The following ROBO2 variants were observed in gnomAD, a reference collection of about 807,000 sequenced individuals.
ROBO2 encodes the protein roundabout guidance receptor 2, also known as roundabout homolog 2.
In ROBO2, 53 loss-of-function variants were observed where a neutral mutation model predicts 160.8. The ratio of observed to expected loss-of-function variants is 0.33; its 90% CI spans 0.26 to 0.41. ROBO2 has a LOEUF of 0.41. Ranked by LOEUF, ROBO2 falls within the 10% of genes least tolerant of loss-of-function variation. The pLI, the probability that ROBO2 is intolerant of heterozygous loss-of-function variation, is 1.00. For missense variants in ROBO2, 1,577 were observed against 1,722.4 expected (o/e 0.92, Z 1.49); for synonymous variants, 664 against 611.7 (o/e 1.09, Z -1.26).
chr3:76,431,136 T>C (rs1177994894), intron 2 of ROBO2, among the ~76,000 whole-genome samples: 5 of 152,072 alleles, frequency 3.3e-5, no homozygotes, highest in Non-Finnish European at 7.4e-5. Context: ...AGCATAAAAG[T>C]TCATAAAAAG....
chr3:76,190,538 T>C (rs1305853928), intron 2 of ROBO2, among the ~76,000 whole-genome samples: 1 of 152,100 alleles, frequency 6.6e-6, no homozygotes, highest in Non-Finnish European at 1.5e-5. Context: ...TTTAAATTAT[T>C]TAAAATCAAT....
chr3:77,087,725 CAT>C (rs1559978681), intron 1 of ROBO2, among the ~76,000 whole-genome samples: 1 of 150,346 alleles, frequency 6.7e-6, no homozygotes. Flanking sequence ...TACATGTACA[CAT>C]ATATACATAT....
intron 2 of ROBO2, chr3:76,434,726 C>G: frequency 9.2e-7 from 1 of 1,086,240 alleles, no homozygotes; most frequent in Non-Finnish European, 1.4e-6. Context: ...CTCCCCCAGT[C>G]TCTACCAGTT....
Position 76,961,380 on chromosome 3 carries a change from G to C in ROBO2, c.110-136634G>C, listed in dbSNP as rs115729651. Among the ~76,000 whole-genome samples, 26 of 150,298 alleles carry C rather than the reference G, an allele frequency of 1.7e-4. 1 individual carries two copies. Among genetic ancestry groups the C allele is most frequent in the African/African-American group, 4.6e-4 (19 of 40,926 alleles). ...AAATTTTCATTTTTTTTTCAGAGAG[G>C]GTTCACAGAACTTTTTGTCACACCT... On this transcript the variant is annotated intron_variant, in intron 2 of 26. Transcript: ENST00000487694.
chr3:76,141,920 A>G (rs974045962), intron 2 of ROBO2, among the ~76,000 whole-genome samples: 4 of 152,010 alleles, frequency 2.6e-5, no homozygotes, highest in East Asian at 1.9e-4. Context: ...AACTGTAACT[A>G]TTCCATAGTA....
chr3:76,248,363 T>C (rs973147206), intron 2 of ROBO2, among the ~76,000 whole-genome samples: 5 of 151,546 alleles, frequency 3.3e-5, no homozygotes, highest in Non-Finnish European at 7.4e-5. Context: ...AAATTGGAAA[T>C]CATCATTCTC....
intron 2 of ROBO2, among the ~76,000 whole-genome samples, chr3:76,127,021 T>C (rs1008288864): frequency 1.3e-5 from 2 of 152,146 alleles, no homozygotes; most frequent in African/African-American, 4.8e-5. Flanking sequence ...GGGTAAGATA[T>C]AGGAGACTTT....
chr3:76,681,759 G>A (rs561441226), intron 2 of ROBO2, among the ~76,000 whole-genome samples: 2 of 151,946 alleles, frequency 1.3e-5, no homozygotes, highest in East Asian at 1.9e-4. Context: ...GTATTAGGCT[G>A]GTGCAAAATA....
intron 2 of ROBO2, among the ~76,000 whole-genome samples, chr3:76,231,057 C>T (rs1339560077): frequency 1.3e-5 from 2 of 152,128 alleles, no homozygotes; most frequent in Non-Finnish European, 2.9e-5. Flanking sequence ...ACACTCTCAA[C>T]CTCCTACTTT....
intron 2 of ROBO2, among the ~76,000 whole-genome samples, chr3:76,468,020 G>A (rs932317546): frequency 4.6e-5 from 7 of 152,086 alleles, no homozygotes; most frequent in African/African-American, 1.4e-4. Context: ...TTAGCAAGAA[G>A]AAATAATGAT....
intron 2 of ROBO2, among the ~76,000 whole-genome samples, chr3:76,805,155 G>A (rs2064576193): frequency 6.6e-6 from 1 of 152,036 alleles, no homozygotes; most frequent in Admixed American, 6.6e-5. Flanking sequence ...AGTTTCTGTG[G>A]ATAGAGTATT....
At chr3:76,082,267 G>T (rs1030624982) in intron 2 of ROBO2, among the ~76,000 whole-genome samples, 2 of 152,168 alleles carry the variant, frequency 1.3e-5, no homozygotes, top group African/African-American at 4.8e-5. Flanking sequence ...TGACATTTAA[G>T]ATGAGTCCTT....
chr3:76,214,034 G>A lies in ROBO2; in HGVS notation c.109+276432G>A, dbSNP rs150665992. 2.8e-3 allele frequency among the ~76,000 whole-genome samples: 423 copies of A among 152,232 alleles called. 4 individuals are homozygous for A. Among genetic ancestry groups the A allele is most frequent in the South Asian group, 0.016 (76 of 4,824 alleles). ...GAAGCACCCTCACAGATGCACCCAG[G>A]AATAATGTTTTGCCAGCTATCTGAG... On this transcript the variant is annotated intron_variant, in intron 2 of 26. Transcript: ENST00000487694.
At position 77,596,776 on chromosome 3, in the gene ROBO2, TTATTTGAGTTCTC is replaced by T. The variant is rs1039610740; in HGVS notation, c.2854+28_2854+40del. The T allele has an allele frequency of 3.1e-6, 5 of 1,602,890 alleles. No homozygotes were observed. The Admixed American group carries it at 8.6e-5, about 28-fold the overall frequency. On this transcript the variant is annotated intron_variant, in intron 19 of 25. Transcript: ENST00000461745. Reference sequence around the variant, plus strand: ...GTAAGTTGTGTTTTTTAAAATAGTGTTATTTGAGTTCTCTCTCTCTTTTTTTTTTTTTGACCTT... The same window carrying T: ...GTAAGTTGTGTTTTTTAAAATAGTGTTCTCTCTTTTTTTTTTTTTGACCTT...
intron 1 of ROBO2, among the ~76,000 whole-genome samples, chr3:77,092,643 A>C (rs1215956855): frequency 6.8e-6 from 1 of 147,070 alleles, no homozygotes; most frequent in African/African-American, 2.5e-5. Context: ...ATTTGTATAT[A>C]TTTTAACAAT....
rs374100879 is a variant in ROBO2, at chr3:76,344,795, C to T, written c.109+407193C>T. Among the ~76,000 whole-genome samples, 12 of 152,214 alleles carry T rather than the reference C, an allele frequency of 7.9e-5. No individual in the cohort carries two copies. In the East Asian group the frequency reaches 2.3e-3, roughly 29 times the overall value. ...GCTGAGAGAAAAACCAGAGTAAAGT[C>T]AAGAATTTGGGAAATATCTAGATGT... is the stretch of plus-strand genomic sequence containing the variant. On this transcript the variant is annotated intron_variant, in intron 2 of 26. Coordinates refer to the ROBO2 transcript ENST00000487694.
chr3:76,676,238 G>C (rs1314940312), intron 2 of ROBO2, among the ~76,000 whole-genome samples: 1 of 151,778 alleles, frequency 6.6e-6, no homozygotes, highest in African/African-American at 2.4e-5. Flanking sequence ...CGATTTCCCC[G>C]TGCTGTTCTC....
At chr3:76,818,018 T>C (rs2065834277) in intron 2 of ROBO2, among the ~76,000 whole-genome samples, 1 of 152,100 alleles carries the variant, frequency 6.6e-6, no homozygotes. Flanking sequence ...AGATACCCAG[T>C]AGTGGGATTG....
At chr3:76,964,904 C>A (rs746410809) in intron 2 of ROBO2, among the ~76,000 whole-genome samples, 1 of 152,216 alleles carries the variant, frequency 6.6e-6, no homozygotes, top group African/African-American at 2.4e-5. Context: ...TAGTTATTAG[C>A]TTGCCTCTTC....
Sources: gnomAD v4.1 joint callset for allele counts (sites outside exome capture counted in the v4.1 genomes callset) on GRCh38, gnomAD v4.1.1 for gene constraint, MANE v1.5 for transcripts, NCBI Gene and HGNC (gene_info 2026-07-23, HGNC 2026-07-21) for gene names.